TNNI3K: variants seen among roughly 807,000 people sequenced by gnomAD.
The protein encoded by TNNI3K is serine/threonine-protein kinase TNNI3K.
Under a neutral mutation model 114.5 loss-of-function variants are expected in TNNI3K, and 140 were observed. The observed-to-expected ratio is 1.22, with a 90% CI of 1.07 to 1.41. The LOEUF (loss-of-function observed/expected upper bound fraction) is 1.41. Ranked by LOEUF, TNNI3K falls within the 40% of genes most tolerant of loss-of-function variation. The pLI, the probability that TNNI3K is intolerant of heterozygous loss-of-function variation, is 0.00. For missense variants in TNNI3K, 1,125 were observed against 1,007.6 expected, an observed-to-expected ratio of 1.12 and a Z score of -1.58; for synonymous variants, 347 against 347.5, an observed-to-expected ratio of 1.00 and a Z score of 0.02.
Position 74,367,931 on chromosome 1 carries a change from T to C in TNNI3K, c.1288T>C (p.Ser430Pro). Residue 430 changes from serine (S) to proline (P), a missense_variant, in exon 13 of 25, where the codon TCA becomes CCA. Ser to Pro is a moderately conservative substitution (Grantham distance 74). Transcript: ENST00000326637. ...AGATGGCTCCTATGTGTCTGTTCCA[T>C]CACCCTTGGGGAAGATTAAAAGCAT... ...GGDGSYVSVP[S>P]PLGKIKSMTK... 6.3e-7 allele frequency: 1 copy of C among 1,576,434 alleles called. No homozygotes were observed. Among genetic ancestry groups the C allele is most frequent in the East Asian group, 2.4e-5 (1 of 42,476 alleles).
intron 2 of TNNI3K, among the ~76,000 whole-genome samples, chr1:74,237,138 G>A (rs550416096): frequency 2.8e-4 from 43 of 151,952 alleles, no homozygotes; most frequent in Admixed American, 1.0e-3. Flanking sequence ...TATGAAATTC[G>A]TCAATGGATG....
chr1:74,402,857 A>G (rs1489732180), intron 17 of TNNI3K, among the ~76,000 whole-genome samples: 2 of 152,162 alleles, frequency 1.3e-5, no homozygotes, highest in Admixed American at 6.6e-5. Context: ...ACTTTCTTAA[A>G]ACATTATGAG....
intron 5 of TNNI3K, among the ~76,000 whole-genome samples, chr1:74,307,894 C>A (rs1343837585): frequency 6.6e-6 from 1 of 152,068 alleles, no homozygotes; most frequent in African/African-American, 2.4e-5. Context: ...ACCTGGGAGG[C>A]AGAGGTTGCA....
chr1:74,289,082 A>T (rs527896055), intron 5 of TNNI3K, among the ~76,000 whole-genome samples: 95 of 152,074 alleles, frequency 6.2e-4, no homozygotes, highest in Non-Finnish European at 1.1e-3. Context: ...TAAATATTAA[A>T]AAAATCAATT....
chr1:74,521,913 C>T (rs1444711684), intron 23 of TNNI3K, among the ~76,000 whole-genome samples: 1 of 152,102 alleles, frequency 6.6e-6, no homozygotes, highest in Non-Finnish European at 1.5e-5. Flanking sequence ...CATAACTACT[C>T]AAAAGCCCAG....
chr1:74,445,801 G>A (rs894508578), intron 20 of TNNI3K, among the ~76,000 whole-genome samples: 10 of 151,616 alleles, frequency 6.6e-5, no homozygotes, highest in South Asian at 2.1e-4. Context: ...TAGTAGAGAC[G>A]GGGTTTCACC....
intron 5 of TNNI3K, among the ~76,000 whole-genome samples, chr1:74,285,552 C>T (rs548050096): frequency 2.0e-5 from 3 of 152,166 alleles, no homozygotes; most frequent in Non-Finnish European, 4.4e-5. Flanking sequence ...TTTCTAATAA[C>T]ATGTAACACC....
At chr1:74,281,317 A>C (rs141243912) in intron 5 of TNNI3K, among the ~76,000 whole-genome samples, 1 of 136,344 alleles carries the variant, frequency 7.3e-6, no homozygotes, top group African/African-American at 2.8e-5. Flanking sequence ...GGATTATACT[A>C]TCACCCACAA....
At chr1:74,406,568 C>CG (rs1246414325) in intron 17 of TNNI3K, among the ~76,000 whole-genome samples, 2 of 152,114 alleles carry the variant, frequency 1.3e-5, no homozygotes, top group Non-Finnish European at 2.9e-5. Context: ...CCAGAAAGTT[C>CG]TATGTTTTTA....
At chr1:74,388,200 C>A (rs1663586531) in intron 17 of TNNI3K, among the ~76,000 whole-genome samples, 1 of 152,052 alleles carries the variant, frequency 6.6e-6, no homozygotes, top group Admixed American at 6.6e-5. Context: ...ATGGCTTGAA[C>A]CTGGGTGGCA....
intron 23 of TNNI3K, among the ~76,000 whole-genome samples, chr1:74,520,535 T>G (rs1646417165): frequency 6.6e-6 from 1 of 151,972 alleles, no homozygotes; most frequent in Non-Finnish European, 1.5e-5. Flanking sequence ...CCCTCAGTCC[T>G]TGCTTGTCTC....
chr1:74,422,213 C>T (rs534975069), intron 17 of TNNI3K, among the ~76,000 whole-genome samples: 34 of 151,616 alleles, frequency 2.2e-4, no homozygotes, highest in African/African-American at 7.0e-4. Context: ...TCCCCTTTAC[C>T]GGAAATAAAG....
chr1:74,416,940 A>G (rs771633344), intron 17 of TNNI3K, among the ~76,000 whole-genome samples: 29 of 152,096 alleles, frequency 1.9e-4, no homozygotes, highest in Non-Finnish European at 4.0e-4. Context: ...TTAGATAGAC[A>G]AAAGACTTGA....
intron 23 of TNNI3K, among the ~76,000 whole-genome samples, chr1:74,498,501 T>A (rs1669449927): frequency 6.6e-6 from 1 of 152,314 alleles, no homozygotes; most frequent in Non-Finnish European, 1.5e-5. Context: ...GCCTACAATA[T>A]CTCATTTATT....
chr1:74,313,053 T>G (rs572840610), intron 5 of TNNI3K, among the ~76,000 whole-genome samples: 7 of 152,316 alleles, frequency 4.6e-5, no homozygotes, highest in African/African-American at 1.7e-4. Context: ...TCAATGAAAT[T>G]GAGAATGGCT....
In TNNI3K at chr1:74,436,104, T is replaced by C. The variant is rs987675565; in HGVS notation, c.1797T>C (p.Asp599=). 3.1e-6 allele frequency: 5 copies of C among 1,606,944 alleles called. No individual in the cohort carries two copies. Among genetic ancestry groups the C allele is most frequent in the African/African-American group, 1.4e-5 (1 of 73,738 alleles). Residue 599 remains aspartate, a synonymous_variant, in exon 18 of 25, where the codon GAT becomes GAC. Transcript: ENST00000326637. ...LNSHNILLYE[D]GHAVVADFGE... Reference sequence around the variant, plus strand: ...GTCACAATATTCTTCTCTATGAGGATGGGCATGCTGTGGTGGCAGATTTTG... The same window carrying C: ...GTCACAATATTCTTCTCTATGAGGACGGGCATGCTGTGGTGGCAGATTTTG...
chr1:74,413,335 A>G (rs1275486604), intron 17 of TNNI3K, among the ~76,000 whole-genome samples: 1 of 152,210 alleles, frequency 6.6e-6, no homozygotes, highest in Non-Finnish European at 1.5e-5. Flanking sequence ...ATTTTCTAGC[A>G]TCTTCTCAAT....
intron 21 of TNNI3K, chr1:74,471,596 C>T: frequency 2.5e-6 from 1 of 400,730 alleles, no homozygotes; most frequent in Non-Finnish European, 4.4e-6. Context: ...AATTTTTTAA[C>T]ATCCAACTTA....
At chr1:74,469,823 C>T in intron 21 of TNNI3K, 1 of 399,774 alleles carries the variant, frequency 2.5e-6, no homozygotes, top group Non-Finnish European at 4.4e-6. Flanking sequence ...GGTGTTTGTC[C>T]TCTTGAAGAA....
Sources: allele counts gnomAD v4.1 joint callset (sites outside exome capture counted in the v4.1 genomes callset), GRCh38; gene constraint gnomAD v4.1.1; transcripts MANE v1.5; gene names NCBI Gene and HGNC (gene_info 2026-07-23, HGNC 2026-07-21).